The following TRPC5 variants were observed in gnomAD, a reference collection of about 807,000 sequenced individuals.
TRPC5 encodes short transient receptor potential channel 5.
Under a neutral mutation model 56.5 loss-of-function variants are expected in TRPC5, and 9 were observed. That is an observed-to-expected ratio of 0.16 (90% CI 0.10 to 0.28). TRPC5 has a LOEUF of 0.28. Ranked by LOEUF, TRPC5 falls within the 10% of genes least tolerant of loss-of-function variation. TRPC5 has a pLI of 1.00. For missense variants in TRPC5, 469 were observed against 748.9 expected, an observed-to-expected ratio of 0.63 and a Z score of 4.36; for synonymous variants, 282 against 278.5, an observed-to-expected ratio of 1.01 and a Z score of -0.13.
intron 3 of TRPC5, among the ~76,000 whole-genome samples, chrX:111,911,346 C>T (rs1925811689): frequency 8.9e-6 from 1 of 112,207 alleles, no homozygotes; most frequent in African/African-American, 3.2e-5. Context: ...TCCCACAATC[C>T]CCTATGAAGT....
intron 2 of TRPC5, among the ~76,000 whole-genome samples, chrX:111,929,938 C>T (rs1926362802): frequency 9.0e-6 from 1 of 111,514 alleles, no homozygotes; most frequent in African/African-American, 3.3e-5. Context: ...TAGAAGAGAC[C>T]TTGGAGATGA....
chrX:111,865,227 C>A (rs376134783), intron 3 of TRPC5, among the ~76,000 whole-genome samples: 15 of 109,744 alleles, frequency 1.4e-4, no homozygotes, highest in East Asian at 5.7e-4. Flanking sequence ...TGTTACCCCC[C>A]CCAGCCTGGT....
At chrX:112,010,516 G>A (rs1036510302) in intron 1 of TRPC5, among the ~76,000 whole-genome samples, 8 of 111,590 alleles carry the variant, frequency 7.2e-5, no homozygotes, top group Non-Finnish European at 1.3e-4. Flanking sequence ...TAGGCTATGT[G>A]TTATGGTCTA....
At chrX:111,825,863 A>G (rs1283258104) in intron 7 of TRPC5, among the ~76,000 whole-genome samples, 1 of 111,560 alleles carries the variant, frequency 9.0e-6, no homozygotes, top group Non-Finnish European at 1.9e-5. Flanking sequence ...TGCTGGGGGC[A>G]CCAAAATAAG....
At chrX:111,823,327 C>T (rs1263538735) in intron 7 of TRPC5, among the ~76,000 whole-genome samples, 2 of 111,652 alleles carry the variant, frequency 1.8e-5, no homozygotes, top group South Asian at 7.5e-4. Flanking sequence ...CCCCCTGCAG[C>T]GTTTGCAGAG....
chrX:111,991,978 C>CATCACTCTT (rs1173379813), intron 1 of TRPC5, among the ~76,000 whole-genome samples: 3 of 112,224 alleles, frequency 2.7e-5, no homozygotes, highest in African/African-American at 9.7e-5. Flanking sequence ...GAGAATTTAT[C>CATCACTCTT]ATCACTCTTA....
chrX:111,888,693 C>CAAAAAAA (rs753735549), intron 3 of TRPC5, among the ~76,000 whole-genome samples: 1 of 10,977 alleles, frequency 9.1e-5, no homozygotes. Context: ...GACTCTATCT[C>CAAAAAAA]AAAAAAAAAA....
chrX:112,009,124 G>A (rs1018190844), intron 1 of TRPC5, among the ~76,000 whole-genome samples: 1 of 112,110 alleles, frequency 8.9e-6, no homozygotes, highest in East Asian at 2.8e-4. Flanking sequence ...ACAAGTGTGA[G>A]TTTGGACACT....
chrX:112,048,912 CA>C (rs1319065586), intron 1 of TRPC5, among the ~76,000 whole-genome samples: 3 of 112,122 alleles, frequency 2.7e-5, no homozygotes, highest in Non-Finnish European at 5.6e-5. Flanking sequence ...CCCGCCTCTC[CA>C]ACAGCAGAAT....
intron 3 of TRPC5, among the ~76,000 whole-genome samples, chrX:111,865,869 GTTGCAACTAGGAACTACTCTTAACA>G (rs1569526814): frequency 8.9e-6 from 1 of 112,599 alleles, no homozygotes; most frequent in East Asian, 2.8e-4. Context: ...TCTCCTGGGA[GTTGCAACTAGGAACTACTCTTAACA>G]TTGGAAGATT....
At chrX:112,017,670 C>T (rs767375106) in intron 1 of TRPC5, among the ~76,000 whole-genome samples, 16 of 111,196 alleles carry the variant, frequency 1.4e-4, no homozygotes, top group Non-Finnish European at 2.8e-4. Flanking sequence ...CTTTCTTCTT[C>T]CTTCCCCATC....
In TRPC5 at chrX:111,774,735, G is replaced by A. The variant is rs1361548550; in HGVS notation, c.*1578C>T. 1 of 111,285 alleles carries A rather than the reference G, an allele frequency of 9.0e-6. No individual in the cohort carries two copies. Among genetic ancestry groups the A allele is most frequent in the Non-Finnish European group, 1.9e-5 (1 of 53,046 alleles). The allele number at this position is 111,285 out of a possible 1,213,427, so 9.2% of individuals were successfully genotyped here. On this transcript the variant is annotated 3_prime_UTR_variant, in exon 11 of 11. Transcript: ENST00000262839. Reference sequence around the variant, plus strand: ...AAGCTAGTTTGGAGGCATATTTGCAGTTCGAAAGTTCCTCATTTCTCTTAC... The same window carrying A: ...AAGCTAGTTTGGAGGCATATTTGCAATTCGAAAGTTCCTCATTTCTCTTAC...
At chrX:111,973,972 C>G (rs2148649678) in intron 1 of TRPC5, among the ~76,000 whole-genome samples, 1 of 111,331 alleles carries the variant, frequency 9.0e-6, no homozygotes, top group East Asian at 2.8e-4. Context: ...GTTCTGTCGA[C>G]AGTTTAGAAT....
chrX:111,840,904 C>T (rs767826820), intron 6 of TRPC5, among the ~76,000 whole-genome samples: 2 of 112,100 alleles, frequency 1.8e-5, no homozygotes, highest in Non-Finnish European at 1.9e-5. Flanking sequence ...TTGCCTGGTA[C>T]ATAGGAATTG....
Position 111,775,598 on chromosome X carries a change from C to T in TRPC5, c.*715G>A, listed in dbSNP as rs1271744818. 8.9e-6 allele frequency: 1 copy of T among 111,869 alleles called. No individual in the cohort carries two copies. The highest frequency in any genetic ancestry group is 1.9e-5 in the Non-Finnish European group (1 of 53,247). 9.2% of individuals were successfully genotyped at this position (111,869 alleles called of 1,213,427 possible). ...GAAACACACAAACAGAAAAATAATT[C>T]GCCTAACTTATTAGATATGACATAT... On this transcript the variant is annotated 3_prime_UTR_variant, in exon 11 of 11. Coordinates refer to ENST00000262839, the MANE Select transcript of TRPC5 (RefSeq NM_012471.3).
At chrX:112,021,619 A>G (rs192237042) in intron 1 of TRPC5, among the ~76,000 whole-genome samples, 37 of 112,365 alleles carry the variant, frequency 3.3e-4, no homozygotes, top group African/African-American at 1.0e-3. Context: ...ATTATCACCA[A>G]TACCTTGCTG....
chrX:111,809,736 A>G (rs975670327), intron 7 of TRPC5, among the ~76,000 whole-genome samples: 9 of 111,206 alleles, frequency 8.1e-5, no homozygotes, highest in Admixed American at 1.9e-4. Context: ...GGAGGCTTCT[A>G]TTCAGTCATC....
At chrX:111,927,189 C>T (rs779116423) in intron 2 of TRPC5, among the ~76,000 whole-genome samples, 1 of 112,204 alleles carries the variant, frequency 8.9e-6, no homozygotes, top group East Asian at 2.8e-4. Flanking sequence ...CATCCCTGGC[C>T]TTACCCCCTT....
chrX:111,997,465 T>A (rs765754008), intron 1 of TRPC5, among the ~76,000 whole-genome samples: 1 of 111,148 alleles, frequency 9.0e-6, no homozygotes, highest in Non-Finnish European at 1.9e-5. Context: ...CAATTATATG[T>A]CTTGGGGTTG....
Sources: allele counts gnomAD v4.1 joint callset (sites outside exome capture counted in the v4.1 genomes callset), GRCh38; gene constraint gnomAD v4.1.1; transcripts MANE v1.5; gene names NCBI Gene and HGNC (gene_info 2026-07-23, HGNC 2026-07-21).